ZCCHC14: variants seen among roughly 807,000 people sequenced by gnomAD.
ZCCHC14 encodes zinc finger CCHC domain-containing protein 14.
Under a neutral mutation model 85.0 loss-of-function variants are expected in ZCCHC14, and 16 were observed. The observed-to-expected ratio is 0.19, with a 90% CI of 0.13 to 0.29. The LOEUF is 0.29. Ranked by LOEUF, ZCCHC14 falls within the 10% of genes least tolerant of loss-of-function variation. ZCCHC14 has a pLI of 1.00. For missense variants in ZCCHC14, 1,303 were observed against 1,443.5 expected (o/e 0.90, Z 1.58); for synonymous variants, 775 against 630.7 (o/e 1.23, Z -3.43).
chr16:87,448,666 G>A (rs532663784), intron 2 of ZCCHC14, among the ~76,000 whole-genome samples: 137 of 152,154 alleles, frequency 9.0e-4, no homozygotes, highest in Middle Eastern at 3.4e-3. Context: ...ACTCTCTCTT[G>A]GTCTTCATGT....
At position 87,411,732 on chromosome 16, in the gene ZCCHC14, G is replaced by C. The variant is rs536254405; in HGVS notation, c.2989C>G (p.Pro997Ala). The C allele has an allele frequency of 6.8e-6, 11 of 1,613,956 alleles. No homozygotes were observed. In the East Asian group the frequency reaches 2.0e-4, roughly 29 times the overall value. ...GACTGCCCACTCAGGACAGGGTCTGGGGTCCCGCTGCTGCTGTAAGGGGCG... is the reference window on the plus strand; with the variant it reads ...GACTGCCCACTCAGGACAGGGTCTGCGGTCCCGCTGCTGCTGTAAGGGGCG... ...VHAPYSSSGT[P>A]DPVLSGQSTF... The change falls in exon 12 of 13, where the codon CCA (proline) becomes GCA (alanine). Residue 997 changes from proline to alanine, a missense_variant. Physicochemically the swap from Pro to Ala is conservative, Grantham distance 27. Coordinates refer to ENST00000671377, the MANE Select transcript of ZCCHC14 (RefSeq NM_015144.3).
chr16:87,491,231 G>A lies in ZCCHC14; in HGVS notation c.570+438C>T, dbSNP rs1034139706. Among the ~76,000 whole-genome samples the A allele has an allele frequency of 6.6e-6, 1 of 152,218 alleles. No homozygotes were observed. The highest frequency in any genetic ancestry group is 1.5e-5 in the Non-Finnish European group (1 of 68,032). On this transcript the variant is annotated intron_variant, in intron 1 of 12. Transcript: ENST00000671377. This position sits in a 1 kb window ranked among gnomAD's most constrained non-coding sequence, Gnocchi z 5.9. ...CGCTCCCGCGGATCCTCGGACCCAG[G>A]GCCCCTGCAGCCGCTCCTGCCCAAG...
At chr16:87,443,745 A>G (rs1237295962) in intron 2 of ZCCHC14, among the ~76,000 whole-genome samples, 1 of 151,014 alleles carries the variant, frequency 6.6e-6, no homozygotes, top group African/African-American at 2.4e-5. Flanking sequence ...TCAAAAACAA[A>G]AACCAAAAAA....
chr16:87,426,139 C>T (rs1597408514), intron 3 of ZCCHC14, among the ~76,000 whole-genome samples: 1 of 152,218 alleles, frequency 6.6e-6, no homozygotes, highest in African/African-American at 2.4e-5. Flanking sequence ...GCAGGTGATG[C>T]TGGCTGATGG....
At chr16:87,473,162 T>G (rs905953779) in intron 1 of ZCCHC14, 2 of 151,906 alleles carry the variant, frequency 1.3e-5, no homozygotes, top group African/African-American at 4.8e-5. Context: ...TCCAAGAGGA[T>G]GGCAGATGAG....
intron 2 of ZCCHC14, among the ~76,000 whole-genome samples, chr16:87,437,485 A>T (rs1043361389): frequency 1.3e-5 from 2 of 152,168 alleles, no homozygotes; most frequent in Non-Finnish European, 2.9e-5. Context: ...AAAAATGGCG[A>T]TTCGGCCACA....
intron 4 of ZCCHC14, among the ~76,000 whole-genome samples, chr16:87,422,125 G>C (rs1909130548): frequency 6.6e-6 from 1 of 152,204 alleles, no homozygotes; most frequent in African/African-American, 2.4e-5. Flanking sequence ...CGTTTCAGCA[G>C]AGAGATGGAA....
At chr16:87,441,956 TTCTC>T (rs1020627308) in intron 2 of ZCCHC14, among the ~76,000 whole-genome samples, 20 of 152,364 alleles carry the variant, frequency 1.3e-4, no homozygotes, top group African/African-American at 4.3e-4. Context: ...CTGCCTTTTC[TTCTC>T]TCTGTCTTCC....
chr16:87,415,267 C>T lies in ZCCHC14; in HGVS notation c.1475+9G>A. 6.2e-7 allele frequency: 1 copy of T among 1,613,740 alleles called. No individual in the cohort carries two copies. Among genetic ancestry groups the T allele is most frequent in the Non-Finnish European group, 8.5e-7 (1 of 1,179,818 alleles). ...TAAACACAGGTTTCAAAACCCACTTCACACTCACTTTTCCAGCTCCAGCTG... is the reference window on the plus strand; with the variant it reads ...TAAACACAGGTTTCAAAACCCACTTTACACTCACTTTTCCAGCTCCAGCTG... On this transcript the variant is annotated intron_variant, in intron 9 of 12. Coordinates refer to ENST00000671377, the MANE Select transcript of ZCCHC14 (RefSeq NM_015144.3).
At position 87,411,510 on chromosome 16, in the gene ZCCHC14, G is replaced by A. The variant is rs754461087; in HGVS notation, c.3205+6C>T. 26 of 1,613,202 alleles carry A rather than the reference G, an allele frequency of 1.6e-5. 1 individual carries two copies. Among genetic ancestry groups the A allele is most frequent in the East Asian group, 1.1e-4 (5 of 44,878 alleles). On this transcript the variant is annotated splice_donor_region_variant and intron_variant, in intron 12 of 12. Coordinates refer to ENST00000671377, the MANE Select transcript of ZCCHC14 (RefSeq NM_015144.3). ...CCTGGTGGGCGCGGCCATGGCGCGC[G>A]CTTACCTGGCCGGTTGAAGTCCATG... is the stretch of plus-strand genomic sequence containing the variant.
chr16:87,487,255 A>ACCACACT (rs1912550734), intron 1 of ZCCHC14, among the ~76,000 whole-genome samples: 1 of 151,938 alleles, frequency 6.6e-6, no homozygotes, highest in Admixed American at 6.6e-5. Flanking sequence ...CCACCACCCC[A>ACCACACT]CCACACTCCT....
At chr16:87,467,921 G>C (rs1016268646) in intron 1 of ZCCHC14, among the ~76,000 whole-genome samples, 3 of 152,186 alleles carry the variant, frequency 2.0e-5, no homozygotes, top group Admixed American at 2.0e-4. Context: ...AAAGTGCTGG[G>C]ATTACAGGCG....
intron 3 of ZCCHC14, among the ~76,000 whole-genome samples, chr16:87,431,779 C>G (rs1909676718): frequency 6.6e-6 from 1 of 152,206 alleles, no homozygotes; most frequent in South Asian, 2.1e-4. Flanking sequence ...TGCAAAATGT[C>G]AGCAAATACC....
chr16:87,492,053 C>G lies in ZCCHC14; in HGVS notation c.186G>C (p.Ser62=), dbSNP rs1178090658. 3 of 1,391,724 alleles carry G rather than the reference C, an allele frequency of 2.2e-6. No individual in the cohort carries two copies. The highest frequency in any genetic ancestry group is 7.3e-5 in the Admixed American group (2 of 27,266). 86.2% of individuals were successfully genotyped at this position (1,391,724 alleles called of 1,614,324 possible). A position where few individuals can be genotyped will look rare whatever the true frequency, so the allele number is the denominator to read the frequency against. ...CGGCCGGGTTGTTGGCCTTGATCTCCGAGTCGCGCAGCGAGTGGTAGTCCT... is the reference window on the plus strand; with the variant it reads ...CGGCCGGGTTGTTGGCCTTGATCTCGGAGTCGCGCAGCGAGTGGTAGTCCT... The part of the protein sequence containing the change: ...ARKDYHSLRD[S]EIKANNPADL... The change falls in exon 1 of 13, where the codon TCG becomes TCC. Residue 62 remains serine, a synonymous_variant. Transcript: ENST00000671377. This position sits in a 1 kb window ranked among gnomAD's most constrained non-coding sequence, Gnocchi z 6.7.
At position 87,420,083 on chromosome 16, in the gene ZCCHC14, G is replaced by A. The variant is rs1909012936; in HGVS notation, c.951-206C>T. 6.6e-6 allele frequency among the ~76,000 whole-genome samples: 1 copy of A among 152,206 alleles called. No individual in the cohort carries two copies. The highest frequency in any genetic ancestry group is 6.5e-5 in the Admixed American group (1 of 15,278). The stretch of plus-strand genomic sequence containing the variant: ...TCTTCAAGCCCTTCCTCTCAATGCT[G>A]TATTCATGGCCACCAAGGTTGACGA... On this transcript the variant is annotated intron_variant, in intron 5 of 12. Transcript: ENST00000671377. The surrounding 1 kb of genome is among the most constrained non-coding windows in gnomAD (Gnocchi z 5.0).
At chr16:87,461,094 G>A (rs1386833931) in intron 1 of ZCCHC14, among the ~76,000 whole-genome samples, 1 of 152,208 alleles carries the variant, frequency 6.6e-6, no homozygotes, top group Non-Finnish European at 1.5e-5. Context: ...CAGTGTACCT[G>A]CAGGTGACGG....
chr16:87,410,912 T>C (rs920424725), intron 12 of ZCCHC14, among the ~76,000 whole-genome samples: 3 of 152,194 alleles, frequency 2.0e-5, no homozygotes, highest in Non-Finnish European at 4.4e-5. Context: ...GGTGGCACCA[T>C]GAGTTGTCAG....
chr16:87,440,022 C>T (rs899811766), intron 2 of ZCCHC14, among the ~76,000 whole-genome samples: 1 of 152,182 alleles, frequency 6.6e-6, no homozygotes, highest in Non-Finnish European at 1.5e-5. Flanking sequence ...ACCCAGGCTG[C>T]GCTCGAACTC....
chr16:87,442,595 C>T (rs60807021), intron 2 of ZCCHC14, among the ~76,000 whole-genome samples: 2,327 of 152,204 alleles, frequency 0.015, 72 homozygotes, highest in African/African-American at 0.054. Flanking sequence ...AAAACTTTAG[C>T]GGTGGGACAA....
Sources: gnomAD v4.1 joint callset for allele counts (sites outside exome capture counted in the v4.1 genomes callset) on GRCh38, gnomAD v4.1.1 for gene constraint, Gnocchi (gnomAD v3.1) non-coding constraint, MANE v1.5 for transcripts, NCBI Gene and HGNC (gene_info 2026-07-23, HGNC 2026-07-21) for gene names.